Variants in KLHL14 observed in about 807,000 individuals in gnomAD.
The protein encoded by KLHL14 is kelch like family member 14, also known as kelch-like protein 14.
A neutral mutation model predicts 64.3 loss-of-function variants in KLHL14; 22 were observed. That is an observed-to-expected ratio of 0.34 (90% CI 0.24 to 0.49). The LOEUF is 0.49. Ranked by LOEUF, KLHL14 falls within the 20% of genes least tolerant of loss-of-function variation. The pLI is 0.99. For missense variants in KLHL14, 661 were observed against 789.0 expected (o/e 0.84, Z 1.94); for synonymous variants, 322 against 333.4 (o/e 0.97, Z 0.37).
intron 3 of KLHL14, among the ~76,000 whole-genome samples, chr18:32,727,028 C>A (rs1371886370): frequency 6.6e-6 from 1 of 152,178 alleles, no homozygotes; most frequent in Non-Finnish European, 1.5e-5. Context: ...AAAGAATTTC[C>A]CTATATGGGA....
chr18:32,729,570 T>A (rs1181099522), intron 3 of KLHL14, among the ~76,000 whole-genome samples: 1 of 152,168 alleles, frequency 6.6e-6, no homozygotes, highest in Non-Finnish European at 1.5e-5. Context: ...TAGAAATATG[T>A]CATTGTCATA....
intron 2 of KLHL14, among the ~76,000 whole-genome samples, chr18:32,746,129 A>C (rs2050222690): frequency 6.6e-6 from 1 of 152,164 alleles, no homozygotes; most frequent in Non-Finnish European, 1.5e-5. Context: ...ATTTTCAAAT[A>C]CTCCTTTCAC....
chr18:32,695,320 T>A, intron 4 of KLHL14, 143 bp downstream of exon 4: 1 of 642,660 alleles, frequency 1.6e-6, no homozygotes, highest in Non-Finnish European at 2.8e-6. Context: ...TCTCCAATTG[T>A]CAGCCCCATC....
chr18:32,701,020 A>G (rs1436448253), intron 3 of KLHL14, among the ~76,000 whole-genome samples: 1 of 152,194 alleles, frequency 6.6e-6, no homozygotes, highest in Non-Finnish European at 1.5e-5. Flanking sequence ...TTGAGGAGAG[A>G]GGCCCAGGGC....
chr18:32,698,468 ATGAATGATGGAGAC>A (rs1171265180), intron 3 of KLHL14, among the ~76,000 whole-genome samples: 1 of 152,194 alleles, frequency 6.6e-6, no homozygotes, highest in Non-Finnish European at 1.5e-5. Context: ...GACAGTGGAG[ATGAATGATGGAGAC>A]AGACAGGTGG....
At chr18:32,754,914 T>C (rs891876366) in intron 2 of KLHL14, among the ~76,000 whole-genome samples, 1 of 152,152 alleles carries the variant, frequency 6.6e-6, no homozygotes, top group African/African-American at 2.4e-5. Context: ...GAAATCATCC[T>C]GGGGCAAAGA....
chr18:32,767,366 T>G (rs1164868803), intron 2 of KLHL14, among the ~76,000 whole-genome samples: 1 of 73,984 alleles, frequency 1.4e-5, no homozygotes, highest in Admixed American at 1.5e-4. Context: ...AATGCTACCT[T>G]TACTAATAAA....
intron 3 of KLHL14, among the ~76,000 whole-genome samples, chr18:32,709,451 AT>A (rs11392963): frequency 1.0e-3 from 151 of 147,260 alleles, no homozygotes; most frequent in South Asian, 3.9e-3. Flanking sequence ...TACCTTTAGA[AT>A]TTTTTTTTTT....
chr18:32,771,630 G>A (rs1027461525), intron 1 of KLHL14, among the ~76,000 whole-genome samples: 1 of 152,146 alleles, frequency 6.6e-6, no homozygotes, highest in African/African-American at 2.4e-5. Context: ...AGGAAGTGGG[G>A]CTGCGAGGAC....
At chr18:32,702,031 T>A (rs2049968628) in intron 3 of KLHL14, among the ~76,000 whole-genome samples, 1 of 152,242 alleles carries the variant, frequency 6.6e-6, no homozygotes, top group Admixed American at 6.5e-5. Context: ...GTGCTACAGG[T>A]GTAGCATGTT....
At chr18:32,772,082 C>T in intron 1 of KLHL14, 1 of 247,130 alleles carries the variant, frequency 4.0e-6, no homozygotes, top group Non-Finnish European at 7.9e-6. Context: ...CCTCTGCTTG[C>T]ATCCCGCCCG....
intron 4 of KLHL14, among the ~76,000 whole-genome samples, chr18:32,693,883 C>T (rs1022006196): frequency 5.9e-5 from 9 of 152,318 alleles, no homozygotes; most frequent in African/African-American, 2.2e-4. Context: ...GGAATATGTC[C>T]TTTCAACTCT....
At position 32,742,007 on chromosome 18, in the gene KLHL14, C is replaced by T. The variant is rs1225523099; in HGVS notation, c.990G>A (p.Leu330=). 3.1e-6 allele frequency: 5 copies of T among 1,613,032 alleles called. No homozygotes were observed. The highest frequency in any genetic ancestry group is 8.5e-7 in the Non-Finnish European group (1 of 1,179,704). Residue 330 remains leucine (L), a synonymous_variant, in exon 3 of 9, where the codon CTG becomes CTA. Transcript: ENST00000359358. The stretch of plus-strand genomic sequence containing the variant: ...TGGGGAGCCGGTCCGGTCCAGGAGG[C>T]AGCCCTCCAACCAATAACAGCATTT... The part of the protein sequence containing the change: ...NKKMLLLVGG[L]PPGPDRLPSN...
chr18:32,743,917 G>C (rs1205124196), intron 2 of KLHL14: 1 of 152,158 alleles, frequency 6.6e-6, no homozygotes, highest in Non-Finnish European at 1.5e-5. Flanking sequence ...ACCACTCTGT[G>C]TGTGTAAGAG....
At chr18:32,739,785 T>C (rs577805760) in intron 3 of KLHL14, among the ~76,000 whole-genome samples, 1 of 152,238 alleles carries the variant, frequency 6.6e-6, no homozygotes, top group South Asian at 2.1e-4. Flanking sequence ...CTATGGAGAA[T>C]ATGCTCCCTA....
chr18:32,700,786 T>C (rs1352412443), intron 3 of KLHL14, among the ~76,000 whole-genome samples: 2 of 151,748 alleles, frequency 1.3e-5, no homozygotes, highest in Non-Finnish European at 2.9e-5. Context: ...AGAAGAAAAA[T>C]AAATCTGGGC....
intron 3 of KLHL14, among the ~76,000 whole-genome samples, chr18:32,736,150 G>A (rs1054514679): frequency 1.3e-5 from 2 of 152,162 alleles, no homozygotes; most frequent in African/African-American, 4.8e-5. Flanking sequence ...AGAAATAAAT[G>A]AGAGATGGCC....
chr18:32,759,557 G>A (rs1030756839), intron 2 of KLHL14, among the ~76,000 whole-genome samples: 2 of 152,136 alleles, frequency 1.3e-5, no homozygotes, highest in African/African-American at 2.4e-5. Context: ...TGGGTAAGGC[G>A]TCTGAAAATT....
At chr18:32,726,497 G>C (rs1045288878) in intron 3 of KLHL14, among the ~76,000 whole-genome samples, 1 of 151,916 alleles carries the variant, frequency 6.6e-6, no homozygotes, top group Non-Finnish European at 1.5e-5. Flanking sequence ...GGTCGTGGGC[G>C]CCTGTAATCC....
Sources: gnomAD v4.1 joint callset for allele counts (sites outside exome capture counted in the v4.1 genomes callset) on GRCh38, gnomAD v4.1.1 for gene constraint, MANE v1.5 for transcripts, NCBI Gene and HGNC (gene_info 2026-07-23, HGNC 2026-07-21) for gene names.